The following SMOC2 variants were observed in gnomAD, a reference collection of about 807,000 sequenced individuals.
SMOC2 encodes SPARC related modular calcium binding 2.
SMOC2 carries 39 observed loss-of-function variants against 61.4 expected under a neutral mutation model. The observed-to-expected ratio is 0.64, with a 90% confidence interval of 0.49 to 0.83. The LOEUF (loss-of-function observed/expected upper bound fraction) is 0.83. Ranked by LOEUF, SMOC2 falls within the 40% of genes least tolerant of loss-of-function variation. SMOC2 has a pLI of 0.00. For missense variants in SMOC2, 556 were observed against 592.9 expected, an observed-to-expected ratio of 0.94 and a Z score of 0.65; for synonymous variants, 247 against 239.9, an observed-to-expected ratio of 1.03 and a Z score of -0.27.
intron 8 of SMOC2, among the ~76,000 whole-genome samples, chr6:168,603,072 G>A (rs1785594346): frequency 6.6e-6 from 1 of 151,984 alleles, no homozygotes; most frequent in African/African-American, 2.4e-5. Context: ...GTGATAGTGA[G>A]TGAGTTATCA....
At chr6:168,512,368 G>A (rs996197132) in intron 2 of SMOC2, among the ~76,000 whole-genome samples, 7 of 152,118 alleles carry the variant, frequency 4.6e-5, no homozygotes, top group Non-Finnish European at 1.0e-4. Flanking sequence ...AGACCCCAGC[G>A]TCACCAGCAC....
At chr6:168,563,389 GTTTA>G (rs55653666) in intron 7 of SMOC2, among the ~76,000 whole-genome samples, 3,572 of 152,002 alleles carry the variant, frequency 0.023, 70 homozygotes, top group Middle Eastern at 0.14. Context: ...TGTATATAAA[GTTTA>G]TATATATTTG....
At chr6:168,640,986 A>T (rs1786878855) in intron 9 of SMOC2, among the ~76,000 whole-genome samples, 1 of 152,192 alleles carries the variant, frequency 6.6e-6, no homozygotes, top group Non-Finnish European at 1.5e-5. Context: ...TAAACAGTTA[A>T]AAGTCATTCC....
intron 7 of SMOC2, among the ~76,000 whole-genome samples, chr6:168,577,593 G>C (rs1200374234): frequency 6.6e-6 from 1 of 152,212 alleles, no homozygotes; most frequent in African/African-American, 2.4e-5. Flanking sequence ...AAGATCGCCA[G>C]TGGCTGCTTC....
intron 2 of SMOC2, among the ~76,000 whole-genome samples, chr6:168,518,515 ATG>A (rs1456865128): frequency 2.8e-5 from 4 of 145,418 alleles, no homozygotes; most frequent in Admixed American, 6.8e-5. Context: ...ATGTGTGTAA[ATG>A]TGCATGTGTG....
intron 7 of SMOC2, among the ~76,000 whole-genome samples, chr6:168,557,978 C>G (rs1157786935): frequency 6.6e-6 from 1 of 152,228 alleles, no homozygotes. Context: ...CAGGCACACT[C>G]AGTTCCAGAG....
intron 7 of SMOC2, among the ~76,000 whole-genome samples, chr6:168,551,033 C>G (rs1277958812): frequency 6.6e-6 from 1 of 152,132 alleles, no homozygotes; most frequent in Non-Finnish European, 1.5e-5. Context: ...ATGGAGAGAC[C>G]AGGTGGAGAT....
chr6:168,551,423 TTTTATTTATTTATTTATTTATTTA>T lies in SMOC2; in HGVS notation c.637+2244_637+2267del, dbSNP rs147825097. ...ATGATTTTACTGGAAATATACTTTATTTTATTTATTTATTTATTTATTTATTTATTTATTTATTTATTTATTTTG... is the reference window on the plus strand; with the variant it reads ...ATGATTTTACTGGAAATATACTTTATTTTATTTATTTATTTATTTATTTTG... On this transcript the variant is annotated intron_variant, in intron 7 of 12. Transcript: ENST00000356284. Among the ~76,000 whole-genome samples, 23 of 146,880 alleles carry T rather than the reference TTTTATTTATTTATTTATTTATTTA, an allele frequency of 1.6e-4. 1 individual carries two copies. The highest frequency in any genetic ancestry group is 4.0e-4 in the African/African-American group (16 of 39,602).
intron 9 of SMOC2, among the ~76,000 whole-genome samples, chr6:168,616,754 A>G (rs1229270190): frequency 1.3e-5 from 2 of 152,230 alleles, no homozygotes; most frequent in African/African-American, 4.8e-5. Context: ...CAGAAAAACC[A>G]CACATATAAT....
In SMOC2 at chr6:168,596,804, A is replaced by G. The variant is rs932520585; in HGVS notation, c.638-2014A>G. On this transcript the variant is annotated intron_variant, in intron 7 of 12. Coordinates refer to ENST00000356284, the MANE Select transcript of SMOC2 (RefSeq NM_001166412.2). ...TCGTTGAGGCAAAAGCCTCTTTACT[A>G]TAACCCAGAGGTAGGTTTTGTTTTA... Among the ~76,000 whole-genome samples, 13 of 152,230 alleles carry G rather than the reference A, an allele frequency of 8.5e-5. 1 individual carries two copies. The highest frequency in any genetic ancestry group is 1.0e-4 in the Non-Finnish European group (7 of 68,020).
intron 9 of SMOC2, among the ~76,000 whole-genome samples, chr6:168,613,037 A>T (rs543703695): frequency 3.3e-5 from 5 of 152,252 alleles, no homozygotes; most frequent in African/African-American, 1.2e-4. Flanking sequence ...GCTGACTCTC[A>T]TTCTCAGGAC....
At chr6:168,469,726 AGACT>A (rs1411835694) in intron 1 of SMOC2, among the ~76,000 whole-genome samples, 1 of 152,142 alleles carries the variant, frequency 6.6e-6, no homozygotes, top group African/African-American at 2.4e-5. Flanking sequence ...ACTTTTGCAG[AGACT>A]GACCACATGG....
At chr6:168,591,327 G>C (rs1310957277) in intron 7 of SMOC2, among the ~76,000 whole-genome samples, 1 of 152,224 alleles carries the variant, frequency 6.6e-6, no homozygotes, top group Non-Finnish European at 1.5e-5. Context: ...CGTGGAACTA[G>C]AAAAGCACAA....
At chr6:168,622,919 G>A (rs1307387071) in intron 9 of SMOC2, among the ~76,000 whole-genome samples, 2 of 152,174 alleles carry the variant, frequency 1.3e-5, no homozygotes, top group Admixed American at 6.5e-5. Flanking sequence ...GTAGAAAGCC[G>A]GATGTACTCG....
At position 168,463,884 on chromosome 6, in the gene SMOC2, A is replaced by G. The variant is rs940751684; in HGVS notation, c.84+22430A>G. ...TGGATGGACTTCTCCCTTATATCAC[A>G]TTTTATCACCAGGATTTGAAATCTG... On this transcript the variant is annotated intron_variant, in intron 1 of 12. Transcript: ENST00000356284. 2.6e-5 allele frequency among the ~76,000 whole-genome samples: 4 copies of G among 152,032 alleles called. No homozygotes were observed. The East Asian group carries it at 5.8e-4, about 22-fold the overall frequency.
chr6:168,614,178 C>T (rs1182503671), intron 9 of SMOC2, among the ~76,000 whole-genome samples: 1 of 67,688 alleles, frequency 1.5e-5, no homozygotes. Flanking sequence ...GCACAGGGGG[C>T]CTCTTCACAC....
chr6:168,574,468 T>A (rs570480711), intron 7 of SMOC2, among the ~76,000 whole-genome samples: 70 of 152,230 alleles, frequency 4.6e-4, no homozygotes, highest in African/African-American at 1.6e-3. Context: ...GAGTGAACCT[T>A]CCCGCCGGGC....
At chr6:168,659,138 G>C (rs1787409204) in intron 11 of SMOC2, among the ~76,000 whole-genome samples, 2 of 152,016 alleles carry the variant, frequency 1.3e-5, no homozygotes, top group Admixed American at 6.6e-5. Flanking sequence ...GCTGGATCAA[G>C]CTCTGTTAGG....
chr6:168,612,022 G>A (rs1785885688), intron 9 of SMOC2, among the ~76,000 whole-genome samples: 1 of 152,206 alleles, frequency 6.6e-6, no homozygotes, highest in South Asian at 2.1e-4. Flanking sequence ...GAGGTGGAAC[G>A]AAGGATGTAG....
Sources: gnomAD v4.1 joint callset for allele counts (sites outside exome capture counted in the v4.1 genomes callset) on GRCh38, gnomAD v4.1.1 for gene constraint, MANE v1.5 for transcripts, NCBI Gene and HGNC (gene_info 2026-07-23, HGNC 2026-07-21) for gene names.